The following PRRC2C variants were observed in gnomAD, a reference collection of about 807,000 sequenced individuals.
The protein encoded by PRRC2C is protein PRRC2C.
A neutral mutation model predicts 317.2 loss-of-function variants in PRRC2C; 72 were observed. That is an observed-to-expected ratio of 0.23 (90% CI 0.19 to 0.28). The LOEUF is 0.28. PRRC2C is among the 10% of genes least tolerant of loss of function. The pLI is 1.00. For missense variants in PRRC2C, 3,074 were observed against 3,459.7 expected (o/e 0.89, Z 2.80); for synonymous variants, 1,296 against 1,205.9 (o/e 1.07, Z -1.55).
chr1:171,577,730 T>A, intron 26 of PRRC2C, 93 bp downstream of exon 26: 2 of 1,086,306 alleles, frequency 1.8e-6, no homozygotes, highest in Non-Finnish European at 2.7e-6. Flanking sequence ...CAGCTAAGCA[T>A]AAGGCTCTTA....
At chr1:171,583,859 T>C (rs1405272376) in intron 28 of PRRC2C, 97 bp from the exon 29 acceptor site, 1 of 969,378 alleles carries the variant, frequency 1.0e-6, no homozygotes, top group Non-Finnish European at 1.6e-6. Flanking sequence ...ATGCAGCACA[T>C]GACTGTATTG....
rs574479091 is a variant in PRRC2C at position 171,557,414 on chromosome 1, A to G, written c.5302A>G (p.Thr1768Ala). 6.7e-5 allele frequency: 104 copies of G among 1,546,820 alleles called. No individual in the cohort carries two copies. Among genetic ancestry groups the G allele is most frequent in the Non-Finnish European group, 8.3e-5 (95 of 1,143,726 alleles). The change falls in exon 19 of 35, where the codon ACC (threonine) becomes GCC (alanine). Residue 1768 changes from threonine (T) to alanine (A), a missense_variant. Physicochemically the swap from Thr to Ala is moderately conservative, Grantham distance 58. Around this residue, in one of 11 missense-constraint regions of PRRC2C, gnomAD observed 640 missense variants for 676.1 expected, o/e 0.95. Transcript: ENST00000647382. ...AACCTCAGCTTCAGTTCCAGCCTCA[A>G]CCTCAGCTCCACTTCCGGCAACCTT... Reference protein sequence around the residue: ...PSTSASVPASTSAPLPATLTP... With the variant: ...PSTSASVPASASAPLPATLTP...
intron 1 of PRRC2C, among the ~76,000 whole-genome samples, chr1:171,506,687 T>TTGTGTGTGTGTGTGTGTGTGTG (rs34060083): frequency 2.2e-5 from 3 of 136,604 alleles, no homozygotes; most frequent in African/African-American, 8.4e-5. Flanking sequence ...TTTTTTTTCT[T>TTGTGTGTGTGTGTGTGTGTGTG]TGTGTGTGTG....
intron 28 of PRRC2C, among the ~76,000 whole-genome samples, chr1:171,582,913 T>A (rs964697735): frequency 6.6e-6 from 1 of 152,010 alleles, no homozygotes; most frequent in Non-Finnish European, 1.5e-5. Flanking sequence ...CTTACTATAA[T>A]TTTTTGACTC....
At chr1:171,572,863 A>G (rs1685018543) in intron 24 of PRRC2C, among the ~76,000 whole-genome samples, 1 of 152,350 alleles carries the variant, frequency 6.6e-6, no homozygotes, top group African/African-American at 2.4e-5. Flanking sequence ...AAATATACAC[A>G]TTGAGAATTA....
At chr1:171,569,273 G>GCTTT (rs57680901) in intron 23 of PRRC2C, among the ~76,000 whole-genome samples, 120,567 of 151,024 alleles carry the variant, frequency 0.8, 48,267 homozygotes, top group Middle Eastern at 0.89. Context: ...GTCACAAAGA[G>GCTTT]CTTTAACTAT....
Position 171,540,233 on chromosome 1 carries a change from C to A in PRRC2C, c.2767C>A (p.Arg923=), listed in dbSNP as rs758574187. The A allele has an allele frequency of 1.9e-6, 3 of 1,613,690 alleles. No homozygotes were observed. The Admixed American group carries it at 5.0e-5, about 27-fold the overall frequency. Residue 923 remains arginine (R), a synonymous_variant, in exon 16 of 35, where the codon CGG becomes AGG. Coordinates refer to ENST00000647382, the MANE Select transcript of PRRC2C (RefSeq NM_001387844.1). ...RISAVESQPS[R]KRSVSHGSNH... ...TTCAGCTGTAGAAAGTCAGCCTTCCCGGAAAAGAAGTGTTTCCCATGGATC... is the reference window on the plus strand; with the variant it reads ...TTCAGCTGTAGAAAGTCAGCCTTCCAGGAAAAGAAGTGTTTCCCATGGATC...
chr1:171,541,319 A>C lies in PRRC2C; in HGVS notation c.3853A>C (p.Lys1285Gln). The C allele has an allele frequency of 6.2e-7, 1 of 1,613,882 alleles. No homozygotes were observed. Among genetic ancestry groups the C allele is most frequent in the Admixed American group, 1.7e-5 (1 of 59,972 alleles). Residue 1285 changes from lysine to glutamine, a missense_variant, in exon 16 of 35, where the codon AAA becomes CAA. Around this residue, in one of 11 missense-constraint regions of PRRC2C, gnomAD observed 1,320 missense variants for 1,395.7 expected, o/e 0.95. Transcript: ENST00000647382. This position sits in a 1 kb window ranked among gnomAD's most constrained non-coding sequence, Gnocchi z 4.1. ...TGCAAGTGACAAGGACAGTTTAAGT[A>C]AAGGCAAACTTCCCAAAAGAGAGGA... ...ESASDKDSLS[K>Q]GKLPKREERP...
chr1:171,564,754 G>C (rs1273581165), intron 20 of PRRC2C, among the ~76,000 whole-genome samples: 1 of 152,162 alleles, frequency 6.6e-6, no homozygotes, highest in Non-Finnish European at 1.5e-5. Flanking sequence ...TCTAAGCATA[G>C]AAAAGGTACA....
intron 1 of PRRC2C, among the ~76,000 whole-genome samples, chr1:171,487,883 C>T (rs1379531688): frequency 6.6e-6 from 1 of 152,094 alleles, no homozygotes; most frequent in East Asian, 1.9e-4. Context: ...AAGAAAATTT[C>T]ACCTCCCCTT....
rs568029247 is a variant in PRRC2C at position 171,581,718 on chromosome 1, C to T, written c.7409+1754C>T. 5.9e-5 allele frequency among the ~76,000 whole-genome samples: 9 copies of T among 152,286 alleles called. No homozygotes were observed. In the Middle Eastern group the frequency reaches 0.014, roughly 230 times the overall value. ...ATAGCAGTATATTCATGTTTTCTTA[C>T]CTCGTGTTTGAAACATAAATTATAA... On this transcript the variant is annotated intron_variant, in intron 28 of 34. Coordinates refer to ENST00000647382, the MANE Select transcript of PRRC2C (RefSeq NM_001387844.1).
At chr1:171,533,794 T>G (rs1382115793) in intron 12 of PRRC2C, among the ~76,000 whole-genome samples, 1 of 152,154 alleles carries the variant, frequency 6.6e-6, no homozygotes, top group Non-Finnish European at 1.5e-5. Context: ...CAGCTAATTT[T>G]TGTATTTTTA....
intron 6 of PRRC2C, among the ~76,000 whole-genome samples, chr1:171,521,600 G>GTTC (rs10633005): frequency 0.99 from 150,761 of 152,166 alleles, 74,687 homozygotes; most frequent in Middle Eastern, 1. Flanking sequence ...TCTGAGCTGA[G>GTTC]TTCTTCCCCA....
intron 6 of PRRC2C, among the ~76,000 whole-genome samples, chr1:171,519,405 ATTTCT>A (rs1323978793): frequency 1.3e-5 from 2 of 152,120 alleles, no homozygotes; most frequent in African/African-American, 4.8e-5. Context: ...ATTGGTTCAT[ATTTCT>A]TTTAAGAATC....
intron 18 of PRRC2C, among the ~76,000 whole-genome samples, chr1:171,556,284 T>G (rs1394047481): frequency 6.6e-6 from 1 of 152,218 alleles, no homozygotes; most frequent in Non-Finnish European, 1.5e-5. Flanking sequence ...GTTGGAAAAG[T>G]GCAGTATTAG....
chr1:171,536,782 T>C (rs1214719537), intron 14 of PRRC2C, among the ~76,000 whole-genome samples: 1 of 152,236 alleles, frequency 6.6e-6, no homozygotes, highest in Non-Finnish European at 1.5e-5. Flanking sequence ...GATAAGCTGA[T>C]CACAAATCAT....
At chr1:171,587,548 G>A (rs926055776) in intron 31 of PRRC2C, 100 bp from the exon 32 acceptor site, 185 of 801,356 alleles carry the variant, frequency 2.3e-4, no homozygotes, top group Non-Finnish European at 1.2e-4. Flanking sequence ...AAGGTTCTTT[G>A]CCCTTTCCTA....
chr1:171,570,143 T>G (rs1490169739), intron 23 of PRRC2C, among the ~76,000 whole-genome samples: 1 of 152,162 alleles, frequency 6.6e-6, no homozygotes, highest in African/African-American at 2.4e-5. Flanking sequence ...GATTTCATGG[T>G]GTTGCTTACT....
intron 34 of PRRC2C, chr1:171,591,287 TG>T (rs1651355422): frequency 1.1e-6 from 1 of 950,352 alleles, no homozygotes; most frequent in African/African-American, 1.7e-5. Flanking sequence ...GTTACATGTA[TG>T]TTTTTAGATT....
Sources: allele counts gnomAD v4.1 joint callset (sites outside exome capture counted in the v4.1 genomes callset), GRCh38; gene constraint gnomAD v4.1.1; regional missense constraint gnomAD v4.1.1; non-coding constraint Gnocchi (gnomAD v3.1); transcripts MANE v1.5; gene names NCBI Gene and HGNC (gene_info 2026-07-23, HGNC 2026-07-21).